The following CCDC91 variants were observed in gnomAD, a reference collection of about 807,000 sequenced individuals.
The protein encoded by CCDC91 is coiled-coil domain containing 91, also known as coiled-coil domain-containing protein 91.
A neutral mutation model predicts 63.2 loss-of-function variants in CCDC91; 48 were observed. That is an observed-to-expected ratio of 0.76 (90% CI 0.60 to 0.97). The LOEUF is 0.97. CCDC91 is among the 50% of genes least tolerant of loss of function. The pLI is 0.00. For synonymous variants in CCDC91, 167 were observed against 165.8 expected, an observed-to-expected ratio of 1.01 and a Z score of -0.06; for missense variants, 500 against 494.6, an observed-to-expected ratio of 1.01 and a Z score of -0.10.
In CCDC91 at chr12:28,400,421, G is replaced by T. The variant is rs115048211; in HGVS notation, c.762+9010G>T. Among the ~76,000 whole-genome samples, 3 of 150,468 alleles carry T rather than the reference G, an allele frequency of 2.0e-5. No homozygotes were observed. In the Admixed American group the frequency reaches 2.0e-4, roughly 10 times the overall value. On this transcript the variant is annotated intron_variant, in intron 8 of 12. Transcript: ENST00000536442. ...TAGGCCTCCAGGTCTGTGATGAGAG[G>T]GACTGCTGTGAAGACCTCTGACATG...
chr12:28,318,914 A>G (rs1460418544), intron 6 of CCDC91, among the ~76,000 whole-genome samples: 1 of 151,984 alleles, frequency 6.6e-6, no homozygotes, highest in Non-Finnish European at 1.5e-5. Flanking sequence ...AGTTGCTAGT[A>G]CTTCCTCAAG....
At chr12:28,482,930 A>G (rs1208763341) in intron 11 of CCDC91, among the ~76,000 whole-genome samples, 1 of 152,020 alleles carries the variant, frequency 6.6e-6, no homozygotes, top group Non-Finnish European at 1.5e-5. Flanking sequence ...TGGAAATCAT[A>G]TTATAGAAGA....
intron 3 of CCDC91, among the ~76,000 whole-genome samples, chr12:28,272,462 T>C (rs546993170): frequency 2.0e-5 from 3 of 151,838 alleles, no homozygotes; most frequent in Non-Finnish European, 4.4e-5. Flanking sequence ...CTCTACTATG[T>C]CCATTAACCT....
At chr12:28,401,456 ACAATT>A (rs1466704950) in intron 8 of CCDC91, among the ~76,000 whole-genome samples, 1 of 152,152 alleles carries the variant, frequency 6.6e-6, no homozygotes, top group Non-Finnish European at 1.5e-5. Flanking sequence ...TATGGGAACT[ACAATT>A]CAAGATAAGA....
At chr12:28,525,152 G>A (rs1293029773) in intron 12 of CCDC91, among the ~76,000 whole-genome samples, 2 of 151,932 alleles carry the variant, frequency 1.3e-5, no homozygotes, top group African/African-American at 4.8e-5. Context: ...TTTGGGTTTG[G>A]TTTGTTCTTA....
chr12:28,343,929 C>G (rs1435770171), intron 6 of CCDC91, among the ~76,000 whole-genome samples: 1 of 152,068 alleles, frequency 6.6e-6, no homozygotes, highest in African/African-American at 2.4e-5. Flanking sequence ...AATGTTTTTG[C>G]TGGCTTGCCA....
At chr12:28,401,383 A>G (rs949260515) in intron 8 of CCDC91, among the ~76,000 whole-genome samples, 10 of 152,140 alleles carry the variant, frequency 6.6e-5, no homozygotes, top group African/African-American at 2.4e-4. Context: ...AGAACAGTAT[A>G]AGGATAACTG....
At chr12:28,307,027 A>C in intron 5 of CCDC91, 82 bp downstream of exon 5, 2 of 906,924 alleles carry the variant, frequency 2.2e-6, no homozygotes, top group Non-Finnish European at 3.3e-6. Flanking sequence ...TTAAAAACTC[A>C]TCAGAGGAAG....
At position 28,450,427 on chromosome 12, in the gene CCDC91, A is replaced by G. The variant is rs760593002; in HGVS notation, c.924+9A>G. The G allele has an allele frequency of 1.9e-6, 3 of 1,601,492 alleles. No homozygotes were observed. In the East Asian group the frequency reaches 6.7e-5, roughly 36 times the overall value. ...TAGTATCCGCTGCAAAGGTATTTCCATCTGTAATAGTGGGTTGCTTGTAAG... is the reference window on the plus strand; with the variant it reads ...TAGTATCCGCTGCAAAGGTATTTCCGTCTGTAATAGTGGGTTGCTTGTAAG... On this transcript the variant is annotated intron_variant, in intron 10 of 12. Coordinates refer to ENST00000536442, the MANE Select transcript of CCDC91 (RefSeq NM_018318.5).
At chr12:28,432,784 T>C (rs1360595707) in intron 8 of CCDC91, among the ~76,000 whole-genome samples, 1 of 152,110 alleles carries the variant, frequency 6.6e-6, no homozygotes, top group Non-Finnish European at 1.5e-5. Flanking sequence ...TTTAGTTCTG[T>C]AAGAAACTGT....
chr12:28,216,595 G>T (rs1479892953), intron 1 of CCDC91, among the ~76,000 whole-genome samples: 1 of 151,930 alleles, frequency 6.6e-6, no homozygotes, highest in African/African-American at 2.4e-5. Context: ...AGAAGTTGGG[G>T]TGTGTGTTTG....
At chr12:28,263,684 T>C (rs1193927050) in intron 3 of CCDC91, among the ~76,000 whole-genome samples, 1 of 152,058 alleles carries the variant, frequency 6.6e-6, no homozygotes, top group Non-Finnish European at 1.5e-5. Context: ...AAATATTTTA[T>C]AAGTATGACT....
intron 3 of CCDC91, among the ~76,000 whole-genome samples, chr12:28,297,464 G>A (rs1170259989): frequency 6.6e-6 from 1 of 151,816 alleles, no homozygotes; most frequent in African/African-American, 2.4e-5. Flanking sequence ...GCCATTCATT[G>A]CACTTTTGAT....
intron 3 of CCDC91, among the ~76,000 whole-genome samples, chr12:28,289,966 A>G (rs1420826419): frequency 6.6e-6 from 1 of 152,096 alleles, no homozygotes; most frequent in Non-Finnish European, 1.5e-5. Flanking sequence ...TGCTGGGAAT[A>G]CAGGCGTGAG....
chr12:28,385,455 C>A (rs1945542731), intron 7 of CCDC91, among the ~76,000 whole-genome samples: 1 of 152,120 alleles, frequency 6.6e-6, no homozygotes, highest in African/African-American at 2.4e-5. Context: ...AACACAGATT[C>A]CTAGTCTCTT....
intron 6 of CCDC91, 134 bp from the exon 7 acceptor site, chr12:28,362,304 T>C (rs1443531074): frequency 2.1e-5 from 10 of 471,834 alleles, no homozygotes; most frequent in Non-Finnish European, 3.6e-5. Flanking sequence ...ATGTTTTCTC[T>C]TTGTTTCCAG....
chr12:28,374,497 T>C (rs1944822856), intron 7 of CCDC91, among the ~76,000 whole-genome samples: 1 of 152,200 alleles, frequency 6.6e-6, no homozygotes, highest in Non-Finnish European at 1.5e-5. Flanking sequence ...CAAATATTAA[T>C]TTAAACCTTA....
intron 12 of CCDC91, among the ~76,000 whole-genome samples, chr12:28,541,540 A>G (rs562126361): frequency 2.0e-5 from 3 of 152,272 alleles, no homozygotes; most frequent in South Asian, 2.1e-4. Context: ...GATTGAAACA[A>G]TAGGATTGCT....
At chr12:28,501,831 G>T (rs1592867210) in intron 12 of CCDC91, among the ~76,000 whole-genome samples, 6 of 151,252 alleles carry the variant, frequency 4.0e-5, no homozygotes, top group South Asian at 2.1e-4. Context: ...GAATCCATCT[G>T]GTCCTGGACT....
Sources: allele counts gnomAD v4.1 joint callset (sites outside exome capture counted in the v4.1 genomes callset), GRCh38; gene constraint gnomAD v4.1.1; transcripts MANE v1.5; gene names NCBI Gene and HGNC (gene_info 2026-07-23, HGNC 2026-07-21).